The following GALNT13 variants were observed in gnomAD, a reference collection of about 807,000 sequenced individuals.
GALNT13 encodes the protein polypeptide N-acetylgalactosaminyltransferase 13.
In GALNT13, 28 loss-of-function variants were observed where a neutral mutation model predicts 64.2. The observed-to-expected ratio is 0.44, with a 90% CI of 0.32 to 0.60. GALNT13 has a LOEUF of 0.60. GALNT13 is among the 20% of genes least tolerant of loss of function. The pLI, the probability that GALNT13 is intolerant of heterozygous loss-of-function variation, is 0.05. For synonymous variants in GALNT13, 214 were observed against 224.6 expected, an observed-to-expected ratio of 0.95 and a Z score of 0.42; for missense variants, 577 against 669.8, an observed-to-expected ratio of 0.86 and a Z score of 1.53.
At chr2:153,409,792 A>G in the GALNT13 span, among the ~76,000 whole-genome samples, 5 of 152,174 alleles carry the variant, frequency 3.3e-5, no homozygotes, top group African/African-American at 4.8e-5. Context: ...CAAAAATGCT[A>G]AAGTATAATT....
intron 3 of GALNT13, among the ~76,000 whole-genome samples, chr2:154,114,460 A>G (rs539626313): frequency 1.4e-4 from 21 of 152,314 alleles, no homozygotes; most frequent in Admixed American, 1.2e-3. Context: ...TCTGGAATCA[A>G]TGTCAGCTCA....
the GALNT13 span, among the ~76,000 whole-genome samples, chr2:153,798,424 G>A: frequency 2.0e-5 from 3 of 152,104 alleles, no homozygotes; most frequent in Non-Finnish European, 2.9e-5. Flanking sequence ...TACTATATAT[G>A]TTCATGTTTG....
chr2:154,037,889 C>T (rs912891860), intron 3 of GALNT13, among the ~76,000 whole-genome samples: 1 of 152,138 alleles, frequency 6.6e-6, no homozygotes, highest in African/African-American at 2.4e-5. Context: ...CACAGTGGCT[C>T]ATGCCTGTAA....
chr2:153,777,032 T>TG, the GALNT13 span, among the ~76,000 whole-genome samples: 1 of 152,162 alleles, frequency 6.6e-6, no homozygotes, highest in Non-Finnish European at 1.5e-5. Context: ...TTTTCCTGTT[T>TG]TTTGTTTGTT....
Position 154,450,410 on chromosome 2 carries a change from G to GCTAA in GALNT13, c.1531-1_1531insCTAA (p.Arg511LeufsTer9). On this transcript the variant is annotated frameshift_variant and splice_region_variant. Coordinates refer to ENST00000392825, the MANE Select transcript of GALNT13 (RefSeq NM_052917.4). LOFTEE classifies it high-confidence loss of function. The stretch of plus-strand genomic sequence containing the variant: ...CACTGATTATTGGTTATCTTTTACA[G>GCTAA]AGACTCACGTTGCGACATGTTAACA... 6.2e-7 allele frequency: 1 copy of GCTAA among 1,607,468 alleles called. No homozygotes were observed. The highest frequency in any genetic ancestry group is 8.5e-7 in the Non-Finnish European group (1 of 1,177,330).
At chr2:153,443,658 C>T in the GALNT13 span, among the ~76,000 whole-genome samples, 1 of 152,126 alleles carries the variant, frequency 6.6e-6, no homozygotes, top group Non-Finnish European at 1.5e-5. Context: ...TGCGGTGGCT[C>T]ACACCTGTAA....
At chr2:154,432,735 T>C (rs1171724543) in intron 11 of GALNT13, among the ~76,000 whole-genome samples, 1 of 152,184 alleles carries the variant, frequency 6.6e-6, no homozygotes, top group Non-Finnish European at 1.5e-5. Context: ...TCTCTGTCTC[T>C]ATTCTCTTAT....
chr2:153,641,770 TC>T, the GALNT13 span, among the ~76,000 whole-genome samples: 1 of 151,886 alleles, frequency 6.6e-6, no homozygotes, highest in Non-Finnish European at 1.5e-5. Flanking sequence ...TAAAATATTT[TC>T]CTTTGATTAT....
At chr2:154,178,904 C>G (rs907161855) in intron 4 of GALNT13, among the ~76,000 whole-genome samples, 1 of 152,200 alleles carries the variant, frequency 6.6e-6, no homozygotes, top group Non-Finnish European at 1.5e-5. Context: ...ATTTAAAACT[C>G]CTTCAGACAG....
chr2:153,714,669 C>G, the GALNT13 span, among the ~76,000 whole-genome samples: 5 of 152,104 alleles, frequency 3.3e-5, no homozygotes, highest in South Asian at 2.1e-4. Context: ...CTCAATGTAC[C>G]TATTCAAGCT....
At chr2:153,924,677 A>G (rs960550674) in intron 2 of GALNT13, among the ~76,000 whole-genome samples, 8 of 152,162 alleles carry the variant, frequency 5.3e-5, no homozygotes, top group Admixed American at 2.0e-4. Flanking sequence ...ACTCTCACCA[A>G]CAGTATATAA....
At chr2:153,184,479 T>C in the GALNT13 span, among the ~76,000 whole-genome samples, 1 of 152,222 alleles carries the variant, frequency 6.6e-6, no homozygotes, top group African/African-American at 2.4e-5. Context: ...TCTTGCCTGA[T>C]TGTCCTGGCC....
the GALNT13 span, among the ~76,000 whole-genome samples, chr2:153,591,152 T>C: frequency 6.6e-6 from 1 of 152,050 alleles, no homozygotes; most frequent in African/African-American, 2.4e-5. Flanking sequence ...TAGAAATCAG[T>C]CATGTTTCTA....
chr2:154,201,860 G>A (rs1687189794), intron 4 of GALNT13, among the ~76,000 whole-genome samples: 1 of 152,074 alleles, frequency 6.6e-6, no homozygotes, highest in Admixed American at 6.6e-5. Context: ...CTAAGTCCTT[G>A]TTCCATTAGA....
the GALNT13 span, among the ~76,000 whole-genome samples, chr2:153,632,458 T>G: frequency 6.6e-5 from 10 of 152,142 alleles, no homozygotes; most frequent in African/African-American, 2.4e-4. Context: ...TCATCCATCA[T>G]TGCAGTATCA....
intron 3 of GALNT13, among the ~76,000 whole-genome samples, chr2:154,107,014 GT>G (rs1553478724): frequency 7.6e-6 from 1 of 130,876 alleles, no homozygotes; most frequent in Admixed American, 7.5e-5. Flanking sequence ...AGGACAGCTG[GT>G]TTTTTTTGTT....
intron 3 of GALNT13, among the ~76,000 whole-genome samples, chr2:154,086,142 G>A (rs958184176): frequency 6.8e-6 from 1 of 147,728 alleles, no homozygotes; most frequent in Non-Finnish European, 1.5e-5. Flanking sequence ...ATATAATAAA[G>A]TATATATTAT....
At chr2:153,509,301 G>A in the GALNT13 span, among the ~76,000 whole-genome samples, 2 of 152,312 alleles carry the variant, frequency 1.3e-5, no homozygotes, top group Non-Finnish European at 2.9e-5. Flanking sequence ...CTCCCGCCCT[G>A]CCAACTGAAA....
chr2:153,895,840 C>T (rs1196569743), intron 1 of GALNT13, among the ~76,000 whole-genome samples: 2 of 151,456 alleles, frequency 1.3e-5, no homozygotes, highest in Non-Finnish European at 2.9e-5. Flanking sequence ...CTTCTTTTTG[C>T]CACAAATATT....
Sources: allele counts gnomAD v4.1 joint callset (sites outside exome capture counted in the v4.1 genomes callset), GRCh38; gene constraint gnomAD v4.1.1; transcripts MANE v1.5; gene names NCBI Gene and HGNC (gene_info 2026-07-23, HGNC 2026-07-21).